NR3C2: variants seen among roughly 807,000 people sequenced by gnomAD.
NR3C2 encodes the protein nuclear receptor subfamily 3 group C member 2.
NR3C2 carries 15 observed loss-of-function variants against 86.4 expected under a neutral mutation model. The ratio of observed to expected loss-of-function variants is 0.17; its 90% CI spans 0.12 to 0.27. The LOEUF (loss-of-function observed/expected upper bound fraction) is 0.27, where lower values mean the gene tolerates loss of function less well. Among genes scored for constraint, NR3C2 ranks in the 10% least tolerant of loss-of-function variants. The probability of loss-of-function intolerance (pLI) is 1.00; values close to 1 mark genes in which losing one functional copy is unlikely to be tolerated. For synonymous variants in NR3C2, 458 were observed against 450.5 expected, an observed-to-expected ratio of 1.02 and a Z score of -0.21; for missense variants, 960 against 1,195.6, an observed-to-expected ratio of 0.80 and a Z score of 2.91.
intron 2 of NR3C2, among the ~76,000 whole-genome samples, chr4:148,367,716 A>G (rs2126359229): frequency 6.6e-6 from 1 of 152,224 alleles, no homozygotes; most frequent in Middle Eastern, 3.4e-3. Flanking sequence ...TCATTATTCA[A>G]GAAAGATTTA....
chr4:148,335,063 T>G (rs1300098505), intron 2 of NR3C2, among the ~76,000 whole-genome samples: 2 of 152,196 alleles, frequency 1.3e-5, no homozygotes, highest in African/African-American at 4.8e-5. Context: ...CAGTATGACC[T>G]CATTGTAACT....
rs1750049024 is a variant in NR3C2, at chr4:148,436,070, G to A, written c.791C>T (p.Pro264Leu). 2 of 1,614,134 alleles carry A rather than the reference G, an allele frequency of 1.2e-6. No individual in the cohort carries two copies. Among genetic ancestry groups the A allele is most frequent in the South Asian group, 1.1e-5 (1 of 91,070 alleles). Residue 264 changes from proline (P) to leucine (L), a missense_variant, in exon 2 of 9, where the codon CCG (proline) becomes CTG (leucine). Physicochemically the swap from Pro to Leu is moderately conservative, Grantham distance 98. Around this residue, in one of 4 missense-constraint regions of NR3C2, gnomAD observed 680 missense variants for 719.0 expected, o/e 0.95. Coordinates refer to ENST00000358102, the MANE Select transcript of NR3C2 (RefSeq NM_000901.5). Reference protein sequence around the residue: ...ASNVGSPLSSPLSSMKSSISS... With the variant: ...ASNVGSPLSSLLSSMKSSISS... Reference sequence around the variant, plus strand: ...AATTGAGGATTTCATGCTACTTAACGGACTTGAGAGAGGAGAGCCCACATT... The same window carrying A: ...AATTGAGGATTTCATGCTACTTAACAGACTTGAGAGAGGAGAGCCCACATT...
rs948606425 is a variant in NR3C2 at position 148,136,081 on chromosome 4, A to C, written c.2511-15793T>G. 7.7e-3 allele frequency among the ~76,000 whole-genome samples: 1,111 copies of C among 143,820 alleles called. 33 individuals are homozygous for C. The highest frequency in any genetic ancestry group is 0.022 in the Admixed American group (318 of 14,346). 94.4% of individuals were successfully genotyped at this position (143,820 alleles called of 152,430 possible). A position where few individuals can be genotyped will look rare whatever the true frequency, so the allele number is the denominator to read the frequency against. ...CAAAAAAAAAAAAAAAAAAAACAAA[A>C]AAAAAAAACACCACCAAAACCAACA... On this transcript the variant is annotated intron_variant, in intron 6 of 8. Transcript: ENST00000358102.
Position 148,131,091 on chromosome 4 carries a change from C to G in NR3C2, c.2511-10803G>C, listed in dbSNP as rs566781547. ...TTGTGATCCGCCTGCCTCGGCCTCC[C>G]AAAGTGCTGGGATTACAGGCGTGAG... On this transcript the variant is annotated intron_variant, in intron 6 of 8. Transcript: ENST00000358102. 6.8e-3 allele frequency among the ~76,000 whole-genome samples: 1,038 copies of G among 152,258 alleles called. 11 individuals are homozygous for G. The highest frequency in any genetic ancestry group is 0.024 in the African/African-American group (978 of 41,532).
chr4:148,267,938 TG>T lies in NR3C2; in HGVS notation c.1758-7822del, dbSNP rs1293826704. Among the ~76,000 whole-genome samples the T allele has an allele frequency of 2.5e-3, 305 of 121,494 alleles. 1 individual carries two copies. Among genetic ancestry groups the T allele is most frequent in the South Asian group, 9.2e-3 (26 of 2,820 alleles). The allele number at this position is 121,494 out of a possible 152,430, so 79.7% of individuals were successfully genotyped here. ...GAAAGGCTTATATTTTGAGTCACAG[TG>T]TTTTTTTTTTTTTTTTTTGAGACGG... On this transcript the variant is annotated intron_variant, in intron 2 of 8. Transcript: ENST00000358102.
chr4:148,359,670 A>G (rs889523554), intron 2 of NR3C2, among the ~76,000 whole-genome samples: 1 of 152,190 alleles, frequency 6.6e-6, no homozygotes, highest in Non-Finnish European at 1.5e-5. Flanking sequence ...GTCACCTCCC[A>G]CTTTCTCCAT....
At chr4:148,380,727 A>G (rs767314464) in intron 2 of NR3C2, among the ~76,000 whole-genome samples, 1 of 152,196 alleles carries the variant, frequency 6.6e-6, no homozygotes, top group Non-Finnish European at 1.5e-5. Context: ...GATTTTTAGA[A>G]GCATAGTTCT....
intron 6 of NR3C2, among the ~76,000 whole-genome samples, chr4:148,150,470 A>G (rs1734054755): frequency 6.6e-6 from 1 of 152,234 alleles, no homozygotes; most frequent in Non-Finnish European, 1.5e-5. Flanking sequence ...CTTGAGCTAA[A>G]GAACACTAGC....
At chr4:148,166,913 A>T (rs1218271293) in intron 4 of NR3C2, among the ~76,000 whole-genome samples, 1 of 151,694 alleles carries the variant, frequency 6.6e-6, no homozygotes, top group Non-Finnish European at 1.5e-5. Context: ...TTGGGGGGAG[A>T]CTGGGGGCTG....
rs115697543 is a variant in NR3C2, at chr4:148,223,918, T to C, written c.1898-29056A>G. 4.6e-3 allele frequency among the ~76,000 whole-genome samples: 699 copies of C among 152,262 alleles called. 7 individuals are homozygous for C. The highest frequency in any genetic ancestry group is 0.016 in the African/African-American group (645 of 41,534). ...TTATGTTTTAGGTACCTGTAAAATA[T>C]AGGCATGGGAAGATCCTATAGGCAA... On this transcript the variant is annotated intron_variant, in intron 3 of 8. Transcript: ENST00000358102.
chr4:148,194,727 C>T lies in NR3C2; in HGVS notation c.2014+19G>A. ...TTACCTATTAACAATTTTTATTAAA[C>T]TAAAAATACAAAACTTACCTCCTAA... On this transcript the variant is annotated intron_variant, in intron 4 of 8. Transcript: ENST00000358102. The T allele has an allele frequency of 6.5e-7, 1 of 1,531,138 alleles. No individual in the cohort carries two copies. Among genetic ancestry groups the T allele is most frequent in the Non-Finnish European group, 9.0e-7 (1 of 1,111,756 alleles). 94.8% of individuals were successfully genotyped at this position (1,531,138 alleles called of 1,614,324 possible). A position where few individuals can be genotyped will look rare whatever the true frequency, so the allele number is the denominator to read the frequency against.
chr4:148,250,805 T>G (rs1561001062), intron 3 of NR3C2, among the ~76,000 whole-genome samples: 1 of 152,170 alleles, frequency 6.6e-6, no homozygotes, highest in Admixed American at 6.5e-5. Flanking sequence ...TTTTCAGTAT[T>G]TTCTTCCTGA....
intron 3 of NR3C2, among the ~76,000 whole-genome samples, chr4:148,231,329 T>C (rs1351733080): frequency 6.6e-6 from 1 of 152,148 alleles, no homozygotes; most frequent in Non-Finnish European, 1.5e-5. Context: ...ATTGTGAAGA[T>C]CCAATAACAA....
At chr4:148,095,893 G>A (rs1731257419) in intron 8 of NR3C2, among the ~76,000 whole-genome samples, 1 of 152,144 alleles carries the variant, frequency 6.6e-6, no homozygotes, top group Admixed American at 6.5e-5. Context: ...GCATCTGATT[G>A]TTATTGAGAC....
chr4:148,352,549 C>T (rs1745342594), intron 2 of NR3C2, among the ~76,000 whole-genome samples: 2 of 152,220 alleles, frequency 1.3e-5, no homozygotes, highest in African/African-American at 4.8e-5. Flanking sequence ...CAATGTGACA[C>T]TGTGTATTTT....
chr4:148,426,483 T>C (rs1364503079), intron 2 of NR3C2, among the ~76,000 whole-genome samples: 1 of 152,246 alleles, frequency 6.6e-6, no homozygotes, highest in East Asian at 1.9e-4. Context: ...TCAGTATCCA[T>C]GCCCATAGTG....
chr4:148,104,503 A>T (rs776135978), intron 8 of NR3C2, among the ~76,000 whole-genome samples: 3 of 151,970 alleles, frequency 2.0e-5, no homozygotes, highest in Non-Finnish European at 4.4e-5. Flanking sequence ...AAGCAGCATA[A>T]CACCGCTAAC....
At chr4:148,228,328 A>T (rs549298826) in intron 3 of NR3C2, among the ~76,000 whole-genome samples, 3 of 152,154 alleles carry the variant, frequency 2.0e-5, no homozygotes, top group Non-Finnish European at 1.5e-5. Context: ...GTGACAGTAC[A>T]TCGTCCATAT....
At chr4:148,354,335 GT>G (rs1168384842) in intron 2 of NR3C2, among the ~76,000 whole-genome samples, 2 of 152,008 alleles carry the variant, frequency 1.3e-5, no homozygotes, top group African/African-American at 2.4e-5. Context: ...AATTGACTGT[GT>G]TATCAGTGAG....
Sources: allele counts gnomAD v4.1 joint callset (sites outside exome capture counted in the v4.1 genomes callset), GRCh38; gene constraint gnomAD v4.1.1; regional missense constraint gnomAD v4.1.1; transcripts MANE v1.5; gene names NCBI Gene and HGNC (gene_info 2026-07-23, HGNC 2026-07-21).